The following PATJ variants were observed in gnomAD, a reference collection of about 807,000 sequenced individuals.
PATJ encodes the protein inaD-like protein.
In PATJ, 190 loss-of-function variants were observed where a neutral mutation model predicts 224.9. The ratio of observed to expected loss-of-function variants is 0.84; its 90% CI spans 0.75 to 0.95. The LOEUF is 0.95. PATJ is among the 40% of genes least tolerant of loss of function. The pLI, the probability that PATJ is intolerant of heterozygous loss-of-function variation, is 0.00. For synonymous variants in PATJ, 769 were observed against 820.3 expected, an observed-to-expected ratio of 0.94 and a Z score of 1.07; for missense variants, 2,121 against 2,270.3, an observed-to-expected ratio of 0.93 and a Z score of 1.34.
At chr1:62,097,402 A>C (rs1208223788) in intron 33 of PATJ, among the ~76,000 whole-genome samples, 2 of 152,200 alleles carry the variant, frequency 1.3e-5, no homozygotes, top group African/African-American at 4.8e-5. Flanking sequence ...CAAAAGTAGC[A>C]TTGTGTGACT....
rs749004416 is a variant in PATJ, at chr1:61,856,086, T to C, written c.2169T>C (p.Gly723=). The change falls in exon 18 of 44, where the codon GGT becomes GGC. Residue 723 remains glycine, a synonymous_variant. Transcript: ENST00000642238. ...TGATCCGCTCCCTGGTAGCAGATGG[T>C]GTAGCAGAAAGAAGTGGGGGACTAT... ...VIVIRSLVAD[G]VAERSGGLLP... The C allele has an allele frequency of 1.9e-6, 3 of 1,614,018 alleles. No homozygotes were observed. In the African/African-American group the frequency reaches 4.0e-5, roughly 22 times the overall value.
intron 30 of PATJ, among the ~76,000 whole-genome samples, chr1:62,040,387 G>A (rs1015919571): frequency 3.9e-5 from 6 of 152,118 alleles, no homozygotes; most frequent in African/African-American, 1.4e-4. Context: ...TGGGATTACA[G>A]GCATGACCCT....
chr1:62,130,858 A>G (rs1558211850), intron 41 of PATJ, among the ~76,000 whole-genome samples: 1 of 152,184 alleles, frequency 6.6e-6, no homozygotes, highest in Non-Finnish European at 1.5e-5. Context: ...CTCAAAAGAA[A>G]AAAAGAAAAA....
At chr1:62,083,512 T>C (rs1297691573) in intron 32 of PATJ, among the ~76,000 whole-genome samples, 2 of 152,170 alleles carry the variant, frequency 1.3e-5, no homozygotes, top group Non-Finnish European at 2.9e-5. Context: ...TAGTAAACAT[T>C]TTTTCTTAGC....
chr1:62,089,209 G>A (rs535594928), intron 33 of PATJ, among the ~76,000 whole-genome samples: 3 of 152,214 alleles, frequency 2.0e-5, no homozygotes, highest in South Asian at 4.2e-4. Flanking sequence ...ACCTGGGTTG[G>A]TTGGAATACC....
rs34658070 is a variant in PATJ at position 62,010,078 on chromosome 1, CAAAAAAA to C, written c.3868-7766_3868-7760del. On this transcript the variant is annotated intron_variant, in intron 28 of 43. Transcript: ENST00000642238. The stretch of plus-strand genomic sequence containing the variant: ...AGCCTGGGGGAGTGAGACTCCATCT[CAAAAAAA>C]AAAAAAAAAAAGAAAGAAAGAAAGA... 7.1e-5 allele frequency among the ~76,000 whole-genome samples: 6 copies of C among 84,280 alleles called. No homozygotes were observed. In the East Asian group the frequency reaches 1.8e-3, roughly 25 times the overall value. The allele number at this position is 84,280 out of a possible 152,430, so 55.3% of individuals were successfully genotyped here.
In PATJ at chr1:61,927,788, A is replaced by G; in HGVS notation, c.3629A>G (p.Asp1210Gly). The G allele has an allele frequency of 6.2e-7, 1 of 1,613,596 alleles. No homozygotes were observed. Among genetic ancestry groups the G allele is most frequent in the Non-Finnish European group, 8.5e-7 (1 of 1,179,732 alleles). ...KLPPPYKALT[D>G]DSDENEEEDA... is the part of the protein sequence containing the mutation. ...CCTCCTCCTTATAAAGCTCTGACTG[A>G]TGACAGTGATGAAAATGAAGAAGAA... The change falls in exon 27 of 44, where the codon GAT becomes GGT. Residue 1210 changes from aspartate (D) to glycine (G), a missense_variant. Transcript: ENST00000642238.
intron 28 of PATJ, among the ~76,000 whole-genome samples, chr1:62,014,509 A>T (rs77402969): frequency 1.6e-3 from 236 of 147,820 alleles, no homozygotes; most frequent in African/African-American, 5.6e-3. Context: ...AACATTTTCT[A>T]TGTCATTAAG....
At chr1:62,101,372 T>C (rs1488300090) in intron 33 of PATJ, among the ~76,000 whole-genome samples, 1 of 149,334 alleles carries the variant, frequency 6.7e-6, no homozygotes, top group Non-Finnish European at 1.5e-5. Flanking sequence ...CAAGTGATTC[T>C]CCTGCCTCAG....
chr1:62,115,005 C>T (rs530786517), intron 35 of PATJ: 1 of 152,160 alleles, frequency 6.6e-6, no homozygotes, highest in East Asian at 1.9e-4. Context: ...GGCCAGGCTA[C>T]TCTTTTGAAA....
intron 20 of PATJ, among the ~76,000 whole-genome samples, chr1:61,869,192 C>T (rs572279605): frequency 8.9e-5 from 13 of 145,508 alleles, no homozygotes; most frequent in South Asian, 6.8e-4. Flanking sequence ...CTGCAAGCTC[C>T]GCCTCCCGGG....
At chr1:61,831,187 CAAAAA>C (rs545292546) in intron 16 of PATJ, among the ~76,000 whole-genome samples, 4 of 65,280 alleles carry the variant, frequency 6.1e-5, no homozygotes, top group African/African-American at 2.1e-4. Flanking sequence ...GACTCTGTCT[CAAAAA>C]AAAAAAAAAA....
chr1:62,062,392 C>CTTTTTTGTTTTTT (rs1655640351), intron 31 of PATJ, among the ~76,000 whole-genome samples: 1 of 28,458 alleles, frequency 3.5e-5, no homozygotes, highest in African/African-American at 1.6e-4. Context: ...ATGTTGTCTT[C>CTTTTTTGTTTTTT]TTTTTTTTTT....
At chr1:62,015,256 A>T (rs1245430070) in intron 28 of PATJ, among the ~76,000 whole-genome samples, 4 of 151,876 alleles carry the variant, frequency 2.6e-5, no homozygotes, top group Non-Finnish European at 2.9e-5. Flanking sequence ...GTGAGCTGAG[A>T]TCATGCCACT....
intron 28 of PATJ, among the ~76,000 whole-genome samples, chr1:61,996,457 T>A (rs1054572787): frequency 3.9e-5 from 6 of 152,146 alleles, no homozygotes; most frequent in Admixed American, 1.3e-4. Flanking sequence ...ACTTAATAAA[T>A]CACTAGCTTC....
intron 28 of PATJ, among the ~76,000 whole-genome samples, chr1:62,014,924 A>G (rs1230368428): frequency 2.0e-5 from 3 of 152,186 alleles, no homozygotes; most frequent in Admixed American, 6.5e-5. Flanking sequence ...AGATACAAAT[A>G]TAAGAAAAGC....
chr1:62,050,815 G>A, intron 30 of PATJ, 151 bp from the exon 31 acceptor site: 1 of 648,404 alleles, frequency 1.5e-6, no homozygotes, highest in Non-Finnish European at 2.7e-6. Flanking sequence ...ACAGTCTTCT[G>A]CTAGAAAGAA....
chr1:62,124,981 T>C (rs1483783965), intron 39 of PATJ, among the ~76,000 whole-genome samples: 2 of 151,944 alleles, frequency 1.3e-5, no homozygotes, highest in African/African-American at 4.8e-5. Flanking sequence ...AATCCCAGCA[T>C]TGTGGGAGGC....
chr1:61,894,552 C>T (rs550264979), intron 22 of PATJ, among the ~76,000 whole-genome samples: 2 of 152,292 alleles, frequency 1.3e-5, no homozygotes, highest in South Asian at 4.1e-4. Flanking sequence ...CTGTCTCTTT[C>T]CTGCCAACAT....
Sources: allele counts gnomAD v4.1 joint callset (sites outside exome capture counted in the v4.1 genomes callset), GRCh38; gene constraint gnomAD v4.1.1; transcripts MANE v1.5; gene names NCBI Gene and HGNC (gene_info 2026-07-23, HGNC 2026-07-21).